The following P2RX5 variants were observed in gnomAD, a reference collection of about 807,000 sequenced individuals.
P2RX5 encodes P2X purinoceptor 5.
In P2RX5, 46 loss-of-function variants were observed where a neutral mutation model predicts 54.1. The ratio of observed to expected loss-of-function variants is 0.85; its 90% confidence interval spans 0.67 to 1.09. The LOEUF is 1.09. P2RX5 is among the 50% of genes least tolerant of loss of function. The probability of loss-of-function intolerance (pLI) is 0.00; values close to 1 mark genes in which losing one functional copy is unlikely to be tolerated. For synonymous variants in P2RX5, 226 were observed against 226.4 expected (o/e 1.00, Z 0.02); for missense variants, 566 against 549.8 (o/e 1.03, Z -0.29).
chr17:3,673,809 G>C lies in P2RX5; in HGVS notation c.*59C>G. On this transcript the variant is annotated 3_prime_UTR_variant, in exon 12 of 12. Coordinates refer to ENST00000225328, the MANE Select transcript of P2RX5 (RefSeq NM_002561.4). ...CATCCTGGGATTCCCAAAGGCATGG[G>C]ATCACTGGGTGCTAGACGGCTGGGT... 1.2e-6 allele frequency: 2 copies of C among 1,612,380 alleles called. No homozygotes were observed. Among genetic ancestry groups the C allele is most frequent in the Admixed American group, 1.7e-5 (1 of 60,012 alleles).
the P2RX5 span, chr17:3,716,929 A>G: frequency 7.0e-5 from 42 of 602,540 alleles, no homozygotes; most frequent in African/African-American, 7.2e-4. Context: ...TGATGACAGT[A>G]AAGCAAAAAG....
chr17:3,701,168 G>T (rs560680927), upstream of P2RX5, among the ~76,000 whole-genome samples: 21 of 152,324 alleles, frequency 1.4e-4, no homozygotes, highest in African/African-American at 4.8e-4. Flanking sequence ...GCACAAGGAC[G>T]GCTTTGAATG....
the P2RX5 span, among the ~76,000 whole-genome samples, chr17:3,713,136 C>A: frequency 1.3e-5 from 2 of 152,140 alleles, no homozygotes; most frequent in Non-Finnish European, 2.9e-5. Context: ...GCAGGAGGAT[C>A]ACTTGAAGCC....
At chr17:3,675,626 A>G (rs1452652229) in intron 11 of P2RX5, 2 of 907,986 alleles carry the variant, frequency 2.2e-6, no homozygotes, top group Non-Finnish European at 2.6e-6. Context: ...ATCTCAGCTC[A>G]CTGCAACCTC....
chr17:3,682,331 G>A (rs2050307294), intron 9 of P2RX5: 1 of 372,538 alleles, frequency 2.7e-6, no homozygotes, highest in Non-Finnish European at 5.2e-6. Flanking sequence ...GAGACCTCCT[G>A]GGGACTCTCC....
the P2RX5 span, among the ~76,000 whole-genome samples, chr17:3,711,073 T>G: frequency 6.6e-6 from 1 of 152,322 alleles, no homozygotes; most frequent in South Asian, 2.1e-4. Context: ...GCTCTACCAT[T>G]TCCTGTCCCA....
At chr17:3,681,521 C>T (rs1192130692) in intron 10 of P2RX5, among the ~76,000 whole-genome samples, 1 of 152,212 alleles carries the variant, frequency 6.6e-6, no homozygotes, top group African/African-American at 2.4e-5. Flanking sequence ...CTTCCCTCAG[C>T]CCCGGCGCAC....
chr17:3,720,217 C>T, the P2RX5 span: 1 of 674,270 alleles, frequency 1.5e-6, no homozygotes, highest in Non-Finnish European at 2.7e-6. Context: ...AGGCTGAAAA[C>T]AGGAAGAGGG....
chr17:3,676,122 G>C (rs1311574859), intron 11 of P2RX5: 1 of 985,376 alleles, frequency 1.0e-6, no homozygotes, highest in Non-Finnish European at 1.2e-6. Flanking sequence ...CGGCGCTGGA[G>C]CACTTTTCTG....
At position 3,691,120 on chromosome 17, in the gene P2RX5, G is replaced by A. The variant is rs549958429; in HGVS notation, c.289-93C>T. The A allele has an allele frequency of 6.3e-6, 6 of 953,452 alleles. No individual in the cohort carries two copies. The African/African-American group carries it at 6.4e-5, about 10-fold the overall frequency. The allele number at this position is 953,452 out of a possible 1,614,324, so 59.1% of individuals were successfully genotyped here. A position where few individuals can be genotyped will look rare whatever the true frequency, so the allele number is the denominator to read the frequency against. On this transcript the variant is annotated intron_variant, in intron 2 of 11. Transcript: ENST00000225328. ...TTACCTGAAAGAGGGCGGTCCCTCT[G>A]CCTGGGTTTTGGGGATAATGGGGCC...
chr17:3,679,366 G>A (rs1460048097), intron 11 of P2RX5, among the ~76,000 whole-genome samples: 1 of 152,200 alleles, frequency 6.6e-6, no homozygotes, highest in African/African-American at 2.4e-5. Flanking sequence ...GGCACAGCAG[G>A]CACCCATGGC....
the P2RX5 span, among the ~76,000 whole-genome samples, chr17:3,723,060 T>A: frequency 6.6e-6 from 1 of 152,176 alleles, no homozygotes; most frequent in Non-Finnish European, 1.5e-5. Flanking sequence ...CGTGGGGATG[T>A]AGGAAAGAGG....
At chr17:3,719,841 C>T in the P2RX5 span, among the ~76,000 whole-genome samples, 3 of 152,048 alleles carry the variant, frequency 2.0e-5, no homozygotes, top group Admixed American at 2.0e-4. Flanking sequence ...GATTCTCGTG[C>T]CTCAGCCTCC....
chr17:3,713,730 G>GT, the P2RX5 span, among the ~76,000 whole-genome samples: 1 of 145,366 alleles, frequency 6.9e-6, no homozygotes, highest in Non-Finnish European at 1.5e-5. Flanking sequence ...AGTCTGGGCA[G>GT]TAAGAGCAAA....
chr17:3,689,429 C>T (rs2050539354), intron 7 of P2RX5, 63 bp downstream of exon 7: 3 of 1,600,788 alleles, frequency 1.9e-6, no homozygotes, highest in Non-Finnish European at 2.6e-6. Context: ...CCCTCCTCGT[C>T]ACAGAGCCAG....
chr17:3,689,501 T>C lies in P2RX5; in HGVS notation c.744A>G (p.Ile248Met), dbSNP rs1266077506. ...CGTGCACCCCACCCACCTCCAGGGC[T>C]ATATCCTGGAAGTCGCTCCCGGCCC... ...IRWAGSDFQD[I>M]ALEGGVIGIN... The change falls in exon 7 of 12, where the codon ATA becomes ATG. Residue 248 changes from isoleucine (I) to methionine (M), a missense_variant. Coordinates refer to ENST00000225328, the MANE Select transcript of P2RX5 (RefSeq NM_002561.4). The C allele has an allele frequency of 5.0e-6, 8 of 1,613,910 alleles. No individual in the cohort carries two copies. Among genetic ancestry groups the C allele is most frequent in the South Asian group, 1.1e-5 (1 of 91,084 alleles).
upstream of P2RX5, among the ~76,000 whole-genome samples, chr17:3,700,996 C>T (rs1194366276): frequency 6.6e-6 from 1 of 152,122 alleles, no homozygotes; most frequent in Non-Finnish European, 1.5e-5. Flanking sequence ...CACCACGGCC[C>T]CCCTCCTTCT....
In P2RX5 at chr17:3,690,295, G is replaced by A. The variant is rs374368494; in HGVS notation, c.533+132C>T. On this transcript the variant is annotated intron_variant, in intron 5 of 11. Coordinates refer to ENST00000225328, the MANE Select transcript of P2RX5 (RefSeq NM_002561.4). Reference sequence around the variant, plus strand: ...ATTTGCTCATGCTGGGGAGGCCGTCGGGCCTCGCTGGGACAGCCTGACTCC... The same window carrying A: ...ATTTGCTCATGCTGGGGAGGCCGTCAGGCCTCGCTGGGACAGCCTGACTCC... The A allele has an allele frequency of 1.3e-3, 1,396 of 1,102,818 alleles. 14 individuals carry two copies. Among genetic ancestry groups the A allele is most frequent in the South Asian group, 0.012 (970 of 79,830 alleles). 68.3% of individuals were successfully genotyped at this position (1,102,818 alleles called of 1,614,324 possible).
Position 3,690,458 on chromosome 17 carries a change from A to T in P2RX5, c.502T>A (p.Trp168Arg), listed in dbSNP as rs1311988374. The change falls in exon 5 of 12, where the codon TGG becomes AGG. Residue 168 changes from tryptophan to arginine, a missense_variant. By Grantham distance (101) the Trp-to-Arg change is moderately radical (BLOSUM62 -3). Coordinates refer to ENST00000225328, the MANE Select transcript of P2RX5 (RefSeq NM_002561.4). Reference sequence around the variant, plus strand: ...CTGGAGCTTGTCTCCAACGGGCACCAGGCAAAGATCTCACAGGTGCCCCTG... The same window carrying T: ...CTGGAGCTTGTCTCCAACGGGCACCTGGCAAAGATCTCACAGGTGCCCCTG... ...LARGTCEIFA[W>R]CPLETSSRPE... 1.2e-6 allele frequency: 2 copies of T among 1,612,782 alleles called. No homozygotes were observed. Among genetic ancestry groups the T allele is most frequent in the Non-Finnish European group, 1.7e-6 (2 of 1,179,650 alleles).
Sources: allele counts gnomAD v4.1 joint callset (sites outside exome capture counted in the v4.1 genomes callset), GRCh38; gene constraint gnomAD v4.1.1; transcripts MANE v1.5; gene names NCBI Gene and HGNC (gene_info 2026-07-23, HGNC 2026-07-21).